Variants in PRKAA1 observed in about 807,000 individuals in gnomAD.
PRKAA1 encodes the protein protein kinase AMP-activated catalytic subunit alpha 1.
Under a neutral mutation model 56.9 loss-of-function variants are expected in PRKAA1, and 23 were observed. The observed-to-expected ratio is 0.40, with a 90% CI of 0.29 to 0.57. PRKAA1 has a LOEUF of 0.57. PRKAA1 is among the 20% of genes least tolerant of loss of function. PRKAA1 has a pLI of 0.39. For missense variants in PRKAA1, 413 were observed against 679.7 expected, an observed-to-expected ratio of 0.61 and a Z score of 4.36; for synonymous variants, 226 against 227.0, an observed-to-expected ratio of 1.00 and a Z score of 0.04.
At chr5:40,770,595 C>CTTTTT (rs750590564) in intron 4 of PRKAA1, among the ~76,000 whole-genome samples, 4 of 111,902 alleles carry the variant, frequency 3.6e-5, no homozygotes, top group Non-Finnish European at 7.4e-5. Context: ...AAAATAAATT[C>CTTTTT]TTTTTTTTTT....
At chr5:40,796,712 C>T (rs1744941956) in intron 1 of PRKAA1, among the ~76,000 whole-genome samples, 1 of 152,196 alleles carries the variant, frequency 6.6e-6, no homozygotes, top group South Asian at 2.1e-4. Flanking sequence ...AATTCTATGA[C>T]TCAGAAAATG....
intron 1 of PRKAA1, among the ~76,000 whole-genome samples, chr5:40,792,569 T>A (rs553135252): frequency 6.6e-6 from 1 of 152,218 alleles, no homozygotes; most frequent in African/African-American, 2.4e-5. Context: ...AAAATTTATA[T>A]AAATAACAGC....
chr5:40,774,512 A>G (rs1309495261), intron 3 of PRKAA1, among the ~76,000 whole-genome samples: 1 of 150,228 alleles, frequency 6.7e-6, no homozygotes, highest in Non-Finnish European at 1.5e-5. Flanking sequence ...AGAAAAATAT[A>G]TATCAATTGT....
chr5:40,790,608 C>G (rs536107739), intron 1 of PRKAA1, among the ~76,000 whole-genome samples: 4 of 150,754 alleles, frequency 2.7e-5, no homozygotes, highest in Admixed American at 1.3e-4. Flanking sequence ...GGCACAATCT[C>G]GGCTCACTGC....
intron 4 of PRKAA1, among the ~76,000 whole-genome samples, chr5:40,769,878 T>TAAAAA (rs3071208): frequency 7.3e-5 from 8 of 109,904 alleles, no homozygotes; most frequent in East Asian, 2.7e-4. Flanking sequence ...TCTGATTCTT[T>TAAAAA]AAAAAAAAAA....
intron 1 of PRKAA1, among the ~76,000 whole-genome samples, chr5:40,789,400 T>C (rs1335791067): frequency 2.0e-5 from 3 of 152,188 alleles, no homozygotes; most frequent in African/African-American, 7.2e-5. Flanking sequence ...GGAACACTTA[T>C]ACACTGCTGG....
chr5:40,769,399 A>G lies in PRKAA1; in HGVS notation c.596+17T>C, dbSNP rs1270293280. 3.8e-6 allele frequency: 6 copies of G among 1,561,204 alleles called. No individual in the cohort carries two copies. Among genetic ancestry groups the G allele is most frequent in the Non-Finnish European group, 4.4e-6 (5 of 1,134,936 alleles). ...CAATTTCAAATGTATTGAGGGAGGC[A>G]GGGTATCAAATACTACCTTCCTGAA... On this transcript the variant is annotated intron_variant, in intron 5 of 8. Transcript: ENST00000397128.
Position 40,798,003 on chromosome 5 carries a change from G to T in PRKAA1, c.127+60C>A. 3 of 1,585,740 alleles carry T rather than the reference G, an allele frequency of 1.9e-6. 1 individual carries two copies. In the Admixed American group the frequency reaches 5.1e-5, roughly 27 times the overall value. On this transcript the variant is annotated intron_variant, in intron 1 of 8. Transcript: ENST00000397128. ...GGGCGGGGGAGGATGAAGAGGTGCG[G>T]AAAGCGGAAGTCGTGCGGCTCCTCA...
intron 1 of PRKAA1, among the ~76,000 whole-genome samples, chr5:40,785,407 T>G (rs955203612): frequency 2.0e-5 from 3 of 151,898 alleles, no homozygotes; most frequent in Non-Finnish European, 4.4e-5. Flanking sequence ...GCCCGGCTAA[T>G]TTTTGTATGT....
chr5:40,793,178 T>G (rs1366464996), intron 1 of PRKAA1, among the ~76,000 whole-genome samples: 1 of 152,110 alleles, frequency 6.6e-6, no homozygotes, highest in Non-Finnish European at 1.5e-5. Flanking sequence ...GAGACCATCT[T>G]CTCTAGAAAA....
chr5:40,797,942 C>G (rs1027991391), intron 1 of PRKAA1, 121 bp downstream of exon 1: 2 of 1,481,032 alleles, frequency 1.4e-6, no homozygotes, highest in African/African-American at 2.9e-5. Flanking sequence ...GGATCCGGGA[C>G]AGGGGCTGCC....
Position 40,775,403 on chromosome 5 carries a change from A to G in PRKAA1, c.363+7T>C, listed in dbSNP as rs1743953599. On this transcript the variant is annotated splice_region_variant and intron_variant, in intron 3 of 8. Coordinates refer to ENST00000397128, the MANE Select transcript of PRKAA1 (RefSeq NM_006251.6). ...AATACATACAGAATTAAAGCAGAACAGCTTACCCTTCCATTCTTACAGATA... is the reference window on the plus strand; with the variant it reads ...AATACATACAGAATTAAAGCAGAACGGCTTACCCTTCCATTCTTACAGATA... 1.3e-6 allele frequency: 2 copies of G among 1,575,090 alleles called. No homozygotes were observed. Among genetic ancestry groups the G allele is most frequent in the Non-Finnish European group, 8.7e-7 (1 of 1,144,926 alleles).
At chr5:40,775,171 G>A (rs990171998) in intron 3 of PRKAA1, among the ~76,000 whole-genome samples, 3 of 152,172 alleles carry the variant, frequency 2.0e-5, no homozygotes, top group South Asian at 4.1e-4. Flanking sequence ...AATAAATCAC[G>A]TTACTGTGAG....
At chr5:40,765,326 AATTTAT>A in intron 6 of PRKAA1, 88 bp from the exon 7 acceptor site, 1 of 1,389,432 alleles carries the variant, frequency 7.2e-7, no homozygotes, top group South Asian at 1.5e-5. Flanking sequence ...AATATGACTT[AATTTAT>A]ATTTATATTC....
intron 1 of PRKAA1, among the ~76,000 whole-genome samples, chr5:40,778,791 T>G (rs1267525932): frequency 7.2e-6 from 1 of 138,268 alleles, no homozygotes; most frequent in Non-Finnish European, 1.6e-5. Flanking sequence ...TTTTTTTTTT[T>G]TTTTTTTTTT....
At position 40,785,490 on chromosome 5, in the gene PRKAA1, C is replaced by T. The variant is rs530379823; in HGVS notation, c.128-7904G>A. ...CCTGACCGCAGGTGATCCGCCCCCC[C>T]TCGGCCTCCCAAAGTGCTGGGATTA... On this transcript the variant is annotated intron_variant, in intron 1 of 8. Coordinates refer to ENST00000397128, the MANE Select transcript of PRKAA1 (RefSeq NM_006251.6). Among the ~76,000 whole-genome samples, 5 of 152,168 alleles carry T rather than the reference C, an allele frequency of 3.3e-5. No individual in the cohort carries two copies. In the East Asian group the frequency reaches 5.8e-4, roughly 18 times the overall value.
At position 40,759,413 on chromosome 5, in the gene PRKAA1, T is replaced by C. The variant is rs926516503; in HGVS notation, c.*3365A>G. ...ATAAATGGAGTTTTTCTTTATTATA[T>C]CATATTTCTAAATCAAGGAAGCTGA... is the stretch of plus-strand genomic sequence containing the variant. On this transcript the variant is annotated 3_prime_UTR_variant, in exon 9 of 9. Coordinates refer to ENST00000397128, the MANE Select transcript of PRKAA1 (RefSeq NM_006251.6). 1 of 152,222 alleles carries C rather than the reference T, an allele frequency of 6.6e-6. No individual in the cohort carries two copies. The highest frequency in any genetic ancestry group is 2.4e-5 in the African/African-American group (1 of 41,376). 9.4% of individuals were successfully genotyped at this position (152,222 alleles called of 1,614,324 possible). A position where few individuals can be genotyped will look rare whatever the true frequency, so the allele number is the denominator to read the frequency against.
At chr5:40,770,476 C>CA (rs1005076326) in intron 4 of PRKAA1, among the ~76,000 whole-genome samples, 1 of 147,920 alleles carries the variant, frequency 6.8e-6, no homozygotes, top group African/African-American at 2.5e-5. Flanking sequence ...AAAAAACAAA[C>CA]AAAAAAAAGT....
intron 3 of PRKAA1, 144 bp from the exon 4 acceptor site, chr5:40,772,007 G>T: frequency 1.0e-6 from 1 of 992,076 alleles, no homozygotes; most frequent in Non-Finnish European, 1.5e-6. Context: ...GACATGAGGA[G>T]GAGATACCTG....
Sources: allele counts gnomAD v4.1 joint callset (sites outside exome capture counted in the v4.1 genomes callset), GRCh38; gene constraint gnomAD v4.1.1; transcripts MANE v1.5; gene names NCBI Gene and HGNC (gene_info 2026-07-23, HGNC 2026-07-21).